CSMD1: variants seen among roughly 807,000 people sequenced by gnomAD.
CSMD1 encodes CUB and sushi domain-containing protein 1.
A neutral mutation model predicts 417.5 loss-of-function variants in CSMD1; 213 were observed. The observed-to-expected ratio is 0.51, with a 90% CI of 0.46 to 0.57. CSMD1 has a LOEUF of 0.57. CSMD1 is among the 20% of genes least tolerant of loss of function. CSMD1 has a pLI of 0.00. For synonymous variants in CSMD1, 2,862 were observed against 1,736.8 expected, an observed-to-expected ratio of 1.65 and a Z score of -16.11; for missense variants, 6,923 against 4,529.7, an observed-to-expected ratio of 1.53 and a Z score of -15.17.
rs546969141 is a variant in CSMD1, at chr8:3,940,545, G to C, written c.818+57358C>G. On this transcript the variant is annotated intron_variant, in intron 5 of 69. Coordinates refer to ENST00000635120, the MANE Select transcript of CSMD1 (RefSeq NM_033225.6). Reference sequence around the variant, plus strand: ...TGTGTGTGTGTGTGTGTATGTATGTGTACATAGGTTTCTTTGTGTGGATAT... The same window carrying C: ...TGTGTGTGTGTGTGTGTATGTATGTCTACATAGGTTTCTTTGTGTGGATAT... 5.5e-3 allele frequency among the ~76,000 whole-genome samples: 811 copies of C among 148,746 alleles called. 6 individuals carry two copies. The highest frequency in any genetic ancestry group is 0.019 in the African/African-American group (774 of 40,440).
chr8:4,884,863 A>G (rs1315028249), intron 1 of CSMD1, among the ~76,000 whole-genome samples: 1 of 152,060 alleles, frequency 6.6e-6, no homozygotes, highest in Non-Finnish European at 1.5e-5. Context: ...TTGAATTTCA[A>G]CATAAATTTT....
intron 5 of CSMD1, among the ~76,000 whole-genome samples, chr8:3,932,252 C>T (rs1277935648): frequency 2.7e-5 from 4 of 150,358 alleles, no homozygotes; most frequent in African/African-American, 7.4e-5. Flanking sequence ...GCAGGAAAAT[C>T]GACGAAAGTA....
intron 1 of CSMD1, among the ~76,000 whole-genome samples, chr8:4,746,493 A>G (rs1291045872): frequency 6.6e-6 from 1 of 152,198 alleles, no homozygotes; most frequent in African/African-American, 2.4e-5. Context: ...TCGTGTCTTT[A>G]TCATCGGTGA....
At chr8:3,383,702 A>T (rs1810786449) in intron 18 of CSMD1, among the ~76,000 whole-genome samples, 1 of 152,006 alleles carries the variant, frequency 6.6e-6, no homozygotes, top group South Asian at 2.1e-4. Context: ...TTTACACAAC[A>T]CCTATAATTC....
At chr8:4,039,468 CT>C (rs1797777829) in intron 3 of CSMD1, among the ~76,000 whole-genome samples, 1 of 152,198 alleles carries the variant, frequency 6.6e-6, no homozygotes, top group South Asian at 2.1e-4. Context: ...TACATTTCTT[CT>C]CTTTACTGGC....
intron 1 of CSMD1, among the ~76,000 whole-genome samples, chr8:4,874,015 C>A (rs1802891033): frequency 6.6e-6 from 1 of 152,098 alleles, no homozygotes; most frequent in Non-Finnish European, 1.5e-5. Context: ...GTTGTAATCG[C>A]ATGATTAGTC....
At chr8:4,189,307 A>C (rs1048996731) in intron 3 of CSMD1, among the ~76,000 whole-genome samples, 1 of 152,210 alleles carries the variant, frequency 6.6e-6, no homozygotes, top group Non-Finnish European at 1.5e-5. Context: ...ATGTTGAGTA[A>C]ATCAAGATGA....
At chr8:3,124,668 C>T (rs946324098) in intron 41 of CSMD1, among the ~76,000 whole-genome samples, 10 of 152,106 alleles carry the variant, frequency 6.6e-5, no homozygotes, top group African/African-American at 1.4e-4. Flanking sequence ...TTCACACTCT[C>T]GCCACCTCCT....
intron 57 of CSMD1, among the ~76,000 whole-genome samples, chr8:2,971,545 T>C (rs995988950): frequency 6.6e-6 from 1 of 152,158 alleles, no homozygotes; most frequent in Non-Finnish European, 1.5e-5. Flanking sequence ...CAGTGCCTCA[T>C]ATCGGGAAGA....
intron 1 of CSMD1, among the ~76,000 whole-genome samples, chr8:4,687,282 C>G (rs1321339836): frequency 6.6e-6 from 1 of 152,122 alleles, no homozygotes; most frequent in Non-Finnish European, 1.5e-5. Context: ...GGACAAGGAG[C>G]CTTACTGAGG....
chr8:4,207,159 G>C (rs902328673), intron 3 of CSMD1, among the ~76,000 whole-genome samples: 7 of 152,070 alleles, frequency 4.6e-5, no homozygotes, highest in Non-Finnish European at 8.8e-5. Flanking sequence ...TAATTTATAG[G>C]TATAGTAATA....
chr8:4,570,639 T>C (rs1052616803), intron 2 of CSMD1, among the ~76,000 whole-genome samples: 1 of 152,172 alleles, frequency 6.6e-6, no homozygotes, highest in Non-Finnish European at 1.5e-5. Flanking sequence ...TTTTGGTATT[T>C]GGATGATGCT....
intron 49 of CSMD1, among the ~76,000 whole-genome samples, chr8:3,057,605 T>C (rs996155087): frequency 2.0e-5 from 3 of 152,176 alleles, no homozygotes; most frequent in African/African-American, 7.2e-5. Flanking sequence ...TAATTTTCAC[T>C]ACAAGCCTAT....
chr8:4,029,088 C>T (rs1000930061), intron 4 of CSMD1, among the ~76,000 whole-genome samples: 4 of 152,024 alleles, frequency 2.6e-5, no homozygotes, highest in South Asian at 2.1e-4. Flanking sequence ...TTAAAATATA[C>T]ACATTAAATG....
At chr8:3,945,562 T>C (rs1390454941) in intron 5 of CSMD1, among the ~76,000 whole-genome samples, 2 of 152,206 alleles carry the variant, frequency 1.3e-5, no homozygotes, top group Non-Finnish European at 2.9e-5. Context: ...GAGACAAGTT[T>C]AAAAAAATCT....
intron 1 of CSMD1, among the ~76,000 whole-genome samples, chr8:4,959,951 C>A (rs775045723): frequency 3.3e-5 from 5 of 152,142 alleles, no homozygotes; most frequent in Non-Finnish European, 5.9e-5. Flanking sequence ...ACTTACTCTC[C>A]TTAAAAATAG....
At chr8:4,589,961 A>G (rs1227296385) in intron 2 of CSMD1, among the ~76,000 whole-genome samples, 1 of 152,206 alleles carries the variant, frequency 6.6e-6, no homozygotes, top group African/African-American at 2.4e-5. Flanking sequence ...TTCCTAGGTT[A>G]CTAGGCTAAG....
chr8:4,647,348 G>A lies in CSMD1; in HGVS notation c.86-9790C>T, dbSNP rs890890145. ...CCACGGCGGCCTGCTACGTAGGTAC[G>A]CGTGTGCCACGGCGGCCTGCTACGT... On this transcript the variant is annotated intron_variant, in intron 1 of 69. Coordinates refer to ENST00000635120, the MANE Select transcript of CSMD1 (RefSeq NM_033225.6). Among the ~76,000 whole-genome samples, 41 of 150,804 alleles carry A rather than the reference G, an allele frequency of 2.7e-4. 1 individual carries two copies. Among genetic ancestry groups the A allele is most frequent in the Admixed American group, 1.9e-3 (29 of 15,172 alleles).
At chr8:4,198,043 G>C (rs1172441367) in intron 3 of CSMD1, among the ~76,000 whole-genome samples, 2 of 152,214 alleles carry the variant, frequency 1.3e-5, no homozygotes, top group African/African-American at 2.4e-5. Flanking sequence ...CAATGAAGAA[G>C]TATTTATGCT....
Sources: allele counts gnomAD v4.1 joint callset (sites outside exome capture counted in the v4.1 genomes callset), GRCh38; gene constraint gnomAD v4.1.1; transcripts MANE v1.5; gene names NCBI Gene and HGNC (gene_info 2026-07-23, HGNC 2026-07-21).